GRID1: variants seen among roughly 807,000 people sequenced by gnomAD.
GRID1 encodes glutamate ionotropic receptor delta type subunit 1, also known as glutamate receptor ionotropic, delta-1.
GRID1 carries 28 observed loss-of-function variants against 98.0 expected under a neutral mutation model. The ratio of observed to expected loss-of-function variants is 0.29; its 90% confidence interval spans 0.21 to 0.39. The LOEUF is 0.39. GRID1 is among the 10% of genes least tolerant of loss of function. GRID1 has a pLI of 1.00. For missense variants in GRID1, 1,111 were observed against 1,340.5 expected (o/e 0.83, Z 2.67); for synonymous variants, 553 against 538.5 (o/e 1.03, Z -0.37).
intron 4 of GRID1, among the ~76,000 whole-genome samples, chr10:86,057,522 C>A (rs144036393): frequency 1.3e-5 from 2 of 152,328 alleles, no homozygotes; most frequent in East Asian, 3.9e-4. Context: ...CAGTCTCAAC[C>A]TTTGCCTACT....
chr10:86,271,319 CT>C (rs756154827), intron 2 of GRID1, among the ~76,000 whole-genome samples: 107 of 152,334 alleles, frequency 7.0e-4, no homozygotes, highest in African/African-American at 2.1e-3. Context: ...TTCCACATAA[CT>C]GCATTCCAGA....
chr10:85,759,149 C>T (rs1842124820), intron 8 of GRID1, among the ~76,000 whole-genome samples: 1 of 152,192 alleles, frequency 6.6e-6, no homozygotes, highest in African/African-American at 2.4e-5. Flanking sequence ...AAGTCCCTGG[C>T]ATCAACACTT....
At chr10:86,091,101 C>G (rs1844139887) in intron 4 of GRID1, among the ~76,000 whole-genome samples, 1 of 152,112 alleles carries the variant, frequency 6.6e-6, no homozygotes, top group African/African-American at 2.4e-5. Flanking sequence ...TCTAGCTGAA[C>G]TTTTTAACAA....
intron 3 of GRID1, among the ~76,000 whole-genome samples, chr10:86,199,383 G>A (rs915843361): frequency 1.3e-5 from 2 of 152,086 alleles, no homozygotes; most frequent in Non-Finnish European, 2.9e-5. Context: ...TTAGGTTGTT[G>A]CTAATTTCTG....
At chr10:86,032,220 C>T (rs1022833140) in intron 4 of GRID1, among the ~76,000 whole-genome samples, 3 of 152,110 alleles carry the variant, frequency 2.0e-5, no homozygotes, top group Non-Finnish European at 2.9e-5. Context: ...GGGCAGCCCC[C>T]GCCCGGCAGC....
At chr10:85,781,698 G>A (rs1842382601) in intron 8 of GRID1, among the ~76,000 whole-genome samples, 1 of 152,096 alleles carries the variant, frequency 6.6e-6, no homozygotes, top group Admixed American at 6.5e-5. Flanking sequence ...CTACATGGCT[G>A]GCCTCATGTT....
At chr10:85,990,946 A>G (rs1018777649) in intron 4 of GRID1, among the ~76,000 whole-genome samples, 3 of 152,138 alleles carry the variant, frequency 2.0e-5, no homozygotes, top group Admixed American at 1.3e-4. Flanking sequence ...TAAAAAGTTC[A>G]TGTTCATTTT....
intron 8 of GRID1, among the ~76,000 whole-genome samples, chr10:85,818,319 TAC>T (rs368503663): frequency 1.0e-3 from 153 of 151,336 alleles, no homozygotes; most frequent in African/African-American, 3.6e-3. Context: ...AATATACATC[TAC>T]ACACACACAT....
intron 2 of GRID1, among the ~76,000 whole-genome samples, chr10:86,336,920 C>G (rs1174108563): frequency 6.6e-6 from 1 of 151,466 alleles, no homozygotes; most frequent in Non-Finnish European, 1.5e-5. Context: ...TCTCGGCTCA[C>G]TGCAAGCTCT....
At chr10:86,032,048 C>T (rs1274907152) in intron 4 of GRID1, among the ~76,000 whole-genome samples, 1 of 152,228 alleles carries the variant, frequency 6.6e-6, no homozygotes, top group Non-Finnish European at 1.5e-5. Flanking sequence ...TACTCATCTT[C>T]ACCATATTTA....
At chr10:85,702,263 G>A (rs1841460082) in intron 12 of GRID1, among the ~76,000 whole-genome samples, 1 of 151,770 alleles carries the variant, frequency 6.6e-6, no homozygotes, top group African/African-American at 2.4e-5. Flanking sequence ...GAATGAAGGG[G>A]AAATAAAAAT....
At chr10:86,151,104 T>C (rs1845162591) in intron 3 of GRID1, among the ~76,000 whole-genome samples, 1 of 152,140 alleles carries the variant, frequency 6.6e-6, no homozygotes, top group African/African-American at 2.4e-5. Context: ...CGAGTTTATC[T>C]AGCCTAGGAA....
At position 85,844,420 on chromosome 10, in the gene GRID1, T is replaced by TACACAC. The variant is rs55706189; in HGVS notation, c.1233+10070_1233+10075dup. 1.8e-3 allele frequency among the ~76,000 whole-genome samples: 245 copies of TACACAC among 133,846 alleles called. 1 individual carries two copies. Among genetic ancestry groups the TACACAC allele is most frequent in the African/African-American group, 4.2e-3 (154 of 36,494 alleles). 87.8% of individuals were successfully genotyped at this position (133,846 alleles called of 152,430 possible). A position where few individuals can be genotyped will look rare whatever the true frequency, so the allele number is the denominator to read the frequency against. On this transcript the variant is annotated intron_variant, in intron 8 of 15. Coordinates refer to ENST00000327946, the MANE Select transcript of GRID1 (RefSeq NM_017551.3). Reference sequence around the variant, plus strand: ...CAGGAAAATACTGAATACAACTAAATACACACACACACACACACACACACA... The same window carrying TACACAC: ...CAGGAAAATACTGAATACAACTAAATACACACACACACACACACACACACACACACA...
chr10:86,009,264 C>A (rs556456469), intron 4 of GRID1, among the ~76,000 whole-genome samples: 234 of 152,214 alleles, frequency 1.5e-3, no homozygotes, highest in Admixed American at 2.9e-3. Flanking sequence ...TAACAGCAAG[C>A]CCCTCTTGAC....
chr10:85,865,926 T>TATATATAC lies in GRID1; in HGVS notation c.951+3083_951+3084insGTATATAT, dbSNP rs1366536733. 1.1e-4 allele frequency among the ~76,000 whole-genome samples: 12 copies of TATATATAC among 113,414 alleles called. No homozygotes were observed. The East Asian group carries it at 3.5e-3, about 33-fold the overall frequency. The allele number at this position is 113,414 out of a possible 152,430, so 74.4% of individuals were successfully genotyped here. A position where few individuals can be genotyped will look rare whatever the true frequency, so the allele number is the denominator to read the frequency against. ...TTACATATATACATATATATATATA[T>TATATATAC]ATATATATATATATATACACATATA... On this transcript the variant is annotated intron_variant, in intron 6 of 15. Coordinates refer to ENST00000327946, the MANE Select transcript of GRID1 (RefSeq NM_017551.3).
chr10:86,243,895 C>T (rs1386526486), intron 2 of GRID1, among the ~76,000 whole-genome samples: 1 of 152,234 alleles, frequency 6.6e-6, no homozygotes, highest in Non-Finnish European at 1.5e-5. Flanking sequence ...TTCCCCAGTC[C>T]TCGCCACCAT....
chr10:85,738,205 C>T (rs958700461), intron 8 of GRID1, among the ~76,000 whole-genome samples: 3 of 152,124 alleles, frequency 2.0e-5, no homozygotes, highest in African/African-American at 4.8e-5. Context: ...TTACAAACAA[C>T]TCATTTTTAA....
Position 86,319,575 on chromosome 10 carries a change from C to G in GRID1, c.235+44366G>C, listed in dbSNP as rs78150556. Among the ~76,000 whole-genome samples, 364 of 152,306 alleles carry G rather than the reference C, an allele frequency of 2.4e-3. 3 individuals are homozygous for G. Among genetic ancestry groups the G allele is most frequent in the African/African-American group, 8.4e-3 (350 of 41,572 alleles). Reference sequence around the variant, plus strand: ...AAACTCCAGCTACCCTCCCCTCTCCCCCCAACTCCTGTGGGTAAAGCACCC... The same window carrying G: ...AAACTCCAGCTACCCTCCCCTCTCCGCCCAACTCCTGTGGGTAAAGCACCC... On this transcript the variant is annotated intron_variant, in intron 2 of 15. Coordinates refer to ENST00000327946, the MANE Select transcript of GRID1 (RefSeq NM_017551.3).
At chr10:85,981,939 T>C (rs1261385774) in intron 4 of GRID1, among the ~76,000 whole-genome samples, 2 of 152,066 alleles carry the variant, frequency 1.3e-5, no homozygotes, top group African/African-American at 4.8e-5. Flanking sequence ...AAGGCCTCTG[T>C]GATGAGGCAG....
Sources: gnomAD v4.1 joint callset for allele counts (sites outside exome capture counted in the v4.1 genomes callset) on GRCh38, gnomAD v4.1.1 for gene constraint, MANE v1.5 for transcripts, NCBI Gene and HGNC (gene_info 2026-07-23, HGNC 2026-07-21) for gene names.